The following EPHB3 variants were observed in gnomAD, a reference collection of about 807,000 sequenced individuals.
EPHB3 encodes the protein ephrin type-B receptor 3.
A neutral mutation model predicts 100.2 loss-of-function variants in EPHB3; 33 were observed. That is an observed-to-expected ratio of 0.33 (90% CI 0.25 to 0.44). The LOEUF (loss-of-function observed/expected upper bound fraction) is 0.44, where lower values mean the gene tolerates loss of function less well. Ranked by LOEUF, EPHB3 falls within the 20% of genes least tolerant of loss-of-function variation. The probability of loss-of-function intolerance (pLI) is 1.00; values close to 1 mark genes in which losing one functional copy is unlikely to be tolerated. For synonymous variants in EPHB3, 526 were observed against 554.7 expected, an observed-to-expected ratio of 0.95 and a Z score of 0.73; for missense variants, 1,045 against 1,378.3, an observed-to-expected ratio of 0.76 and a Z score of 3.83.
rs961118941 is a variant in EPHB3, at chr3:184,570,952, C to G, written c.119-366C>G. 4.1e-5 allele frequency among the ~76,000 whole-genome samples: 6 copies of G among 146,104 alleles called. 1 individual carries two copies. In the South Asian group the frequency reaches 1.1e-3, roughly 26 times the overall value. The stretch of plus-strand genomic sequence containing the variant: ...TCCTTTCCTGAGCCATCTCTTCTTT[C>G]TTTCTTTTTTTTTTTTTTTTAGACA... On this transcript the variant is annotated intron_variant, in intron 1 of 15. Transcript: ENST00000330394.
chr3:184,575,635 C>G (rs113974232), intron 3 of EPHB3, among the ~76,000 whole-genome samples, 195 bp from the exon 4 acceptor site: 4 of 152,242 alleles, frequency 2.6e-5, no homozygotes, highest in African/African-American at 9.6e-5. Flanking sequence ...AATCTGCTGA[C>G]GTGGGGTTTC....
chr3:184,564,910 C>T (rs967235865), intron 1 of EPHB3, among the ~76,000 whole-genome samples: 2 of 152,138 alleles, frequency 1.3e-5, no homozygotes, highest in East Asian at 1.9e-4. Context: ...TAGCTTTCTC[C>T]ATCCAACCTA....
In EPHB3 at chr3:184,562,925, G is replaced by T. The variant is rs571359007; in HGVS notation, c.118+572G>T. On this transcript the variant is annotated intron_variant, in intron 1 of 15. Transcript: ENST00000330394. The surrounding 1 kb of genome is among the most constrained non-coding windows in gnomAD (Gnocchi z 4.8). ...ATTACACCCGAGGTGCTGTATGGGC[G>T]GGCCCCCGCACCCTTTGTGGAGGCT... Among the ~76,000 whole-genome samples the T allele has an allele frequency of 4.6e-5, 7 of 152,374 alleles. No homozygotes were observed. In the East Asian group the frequency reaches 1.4e-3, roughly 29 times the overall value.
rs1338550971 is a variant in EPHB3 at position 184,579,273 on chromosome 3, G to A, written c.1802-204G>A. ...TCTGAGAGAGGTCTGGATGTGATGA[G>A]AGATGAGAGAGAAAAACTAGGAGTA... On this transcript the variant is annotated intron_variant, in intron 9 of 15. Coordinates refer to ENST00000330394, the MANE Select transcript of EPHB3 (RefSeq NM_004443.4). This position sits in a 1 kb window ranked among gnomAD's most constrained non-coding sequence, Gnocchi z 5.2. Among the ~76,000 whole-genome samples, 1 of 152,098 alleles carries A rather than the reference G, an allele frequency of 6.6e-6. No homozygotes were observed. Among genetic ancestry groups the A allele is most frequent in the Admixed American group, 6.6e-5 (1 of 15,266 alleles).
chr3:184,566,024 G>C (rs1326322151), intron 1 of EPHB3, among the ~76,000 whole-genome samples: 1 of 152,126 alleles, frequency 6.6e-6, no homozygotes, highest in Non-Finnish European at 1.5e-5. Context: ...GGATTGGGCA[G>C]CTGGGGGGGG....
Position 184,563,583 on chromosome 3 carries a change from CCCT to C in EPHB3, c.118+1235_118+1237del, listed in dbSNP as rs1162400522. ...AGGAAAGACCTCCTATGATCCCCCACCCTCCTCATCTCTGAGCCTGCTGTGCTG... is the reference window on the plus strand; with the variant it reads ...AGGAAAGACCTCCTATGATCCCCCACCCTCATCTCTGAGCCTGCTGTGCTG... On this transcript the variant is annotated intron_variant, in intron 1 of 15. Coordinates refer to ENST00000330394, the MANE Select transcript of EPHB3 (RefSeq NM_004443.4). This position sits in a 1 kb window ranked among gnomAD's most constrained non-coding sequence, Gnocchi z 4.1. Among the ~76,000 whole-genome samples the C allele has an allele frequency of 6.6e-6, 1 of 152,232 alleles. No homozygotes were observed. The highest frequency in any genetic ancestry group is 1.5e-5 in the Non-Finnish European group (1 of 68,038).
chr3:184,580,856 A>G lies in EPHB3; in HGVS notation c.2516A>G (p.Tyr839Cys). ...GTCATGAGCTATGGAGAGCGACCCT[A>G]CTGGGACATGAGCAACCAGGATGTG... ...WEVMSYGERP[Y>C]WDMSNQDVIN... The change falls in exon 13 of 16, where the codon TAC becomes TGC. Residue 839 changes from tyrosine (Y) to cysteine (C), a missense_variant. By Grantham distance (194) the Tyr-to-Cys change is radical. Around this residue, in one of 2 missense-constraint regions of EPHB3, gnomAD observed 985 missense variants for 1,331.1 expected, o/e 0.74. Transcript: ENST00000330394. 1 of 1,614,080 alleles carries G rather than the reference A, an allele frequency of 6.2e-7. No individual in the cohort carries two copies. Among genetic ancestry groups the G allele is most frequent in the Non-Finnish European group, 8.5e-7 (1 of 1,179,928 alleles).
In EPHB3 at chr3:184,573,427, C is replaced by A. The variant is rs1714592214; in HGVS notation, c.856+251C>A. On this transcript the variant is annotated intron_variant, in intron 3 of 15. Coordinates refer to ENST00000330394, the MANE Select transcript of EPHB3 (RefSeq NM_004443.4). The surrounding 1 kb of genome is among the most constrained non-coding windows in gnomAD (Gnocchi z 4.5). ...GACATTAAAGAGAGAGGAAGAGAAG[C>A]ATGCAGAATCCTTGGCAAGCAGGCA... 6.6e-6 allele frequency among the ~76,000 whole-genome samples: 1 copy of A among 152,152 alleles called. No homozygotes were observed. Among genetic ancestry groups the A allele is most frequent in the South Asian group, 2.1e-4 (1 of 4,816 alleles).
rs1401205901 is a variant in EPHB3, at chr3:184,571,101, G to A, written c.119-217G>A. On this transcript the variant is annotated intron_variant, in intron 1 of 15. Coordinates refer to ENST00000330394, the MANE Select transcript of EPHB3 (RefSeq NM_004443.4). This position sits in a 1 kb window ranked among gnomAD's most constrained non-coding sequence, Gnocchi z 5.0. ...CTCCCGAGTAGCTGGGATTACAGGC[G>A]TGCGCCACCAGCCTGGCTAATTTTG... Among the ~76,000 whole-genome samples, 5 of 151,966 alleles carry A rather than the reference G, an allele frequency of 3.3e-5. No homozygotes were observed. Among genetic ancestry groups the A allele is most frequent in the Non-Finnish European group, 5.9e-5 (4 of 68,002 alleles).
chr3:184,579,843 T>C lies in EPHB3; in HGVS notation c.2081T>C (p.Ile694Thr). ...ATGGGTCAGTTTGATCACCCCAATATAATCCGGCTCGAGGGCGTGGTCACC... is the reference window on the plus strand; with the variant it reads ...ATGGGTCAGTTTGATCACCCCAATACAATCCGGCTCGAGGGCGTGGTCACC... Reference protein sequence around the residue: ...SIMGQFDHPNIIRLEGVVTKS... With the variant: ...SIMGQFDHPNTIRLEGVVTKS... Residue 694 changes from isoleucine (I) to threonine (T), a missense_variant, in exon 11 of 16, where the codon ATA becomes ACA. Coordinates refer to ENST00000330394, the MANE Select transcript of EPHB3 (RefSeq NM_004443.4). The surrounding 1 kb of genome is among the most constrained non-coding windows in gnomAD (Gnocchi z 5.2). 1 of 1,613,334 alleles carries C rather than the reference T, an allele frequency of 6.2e-7. No homozygotes were observed. The highest frequency in any genetic ancestry group is 8.5e-7 in the Non-Finnish European group (1 of 1,179,932).
Position 184,580,324 on chromosome 3 carries a change from T to C in EPHB3, c.2173-78T>C, listed in dbSNP as rs768704840. The C allele has an allele frequency of 8.3e-4, 1,312 of 1,578,432 alleles. 4 individuals are homozygous for C. Among genetic ancestry groups the C allele is most frequent in the Non-Finnish European group, 1.0e-3 (1,197 of 1,150,712 alleles). ...GAGAGACGAGGTAGAGTCTGAGTAC[T>C]CGGAGAGGGAAGGCAGGTGGGCAGG... On this transcript the variant is annotated intron_variant, in intron 11 of 15. Transcript: ENST00000330394.
rs1714545427 is a variant in EPHB3 at position 184,571,805 on chromosome 3, CCCG to C, written c.183+425_183+427del. On this transcript the variant is annotated intron_variant, in intron 2 of 15. Coordinates refer to ENST00000330394, the MANE Select transcript of EPHB3 (RefSeq NM_004443.4). This position sits in a 1 kb window ranked among gnomAD's most constrained non-coding sequence, Gnocchi z 5.0. ...GTGGCCACTTCTTGACTGTTAAATT[CCCG>C]CAGTCCGGACCTCTCTCACATATTC... Among the ~76,000 whole-genome samples the C allele has an allele frequency of 6.6e-6, 1 of 152,162 alleles. No individual in the cohort carries two copies. The highest frequency in any genetic ancestry group is 1.5e-5 in the Non-Finnish European group (1 of 68,032).
chr3:184,581,627 G>A lies in EPHB3; in HGVS notation c.*5G>A, dbSNP rs754795283. On this transcript the variant is annotated 3_prime_UTR_variant, in exon 16 of 16. Coordinates refer to ENST00000330394, the MANE Select transcript of EPHB3 (RefSeq NM_004443.4). ...ACGCTGCCTGTGCAGGTCTGACACC[G>A]GCTCCCACGGGGACCCTGAGGACCG... 22 of 1,600,200 alleles carry A rather than the reference G, an allele frequency of 1.4e-5. No homozygotes were observed. Among genetic ancestry groups the A allele is most frequent in the African/African-American group, 2.7e-5 (2 of 74,482 alleles).
At position 184,573,134 on chromosome 3, in the gene EPHB3, G is replaced by A. The variant is rs1305914728; in HGVS notation, c.814G>A (p.Ala272Thr). 1 of 1,612,682 alleles carries A rather than the reference G, an allele frequency of 6.2e-7. No individual in the cohort carries two copies. The highest frequency in any genetic ancestry group is 8.5e-7 in the Non-Finnish European group (1 of 1,180,008). ...GGTGCCTGTGGGTGCCTGCACCTGT[G>A]CCACCGGCCATGAGCCAGCTGCCAA... ...WMVPVGACTCATGHEPAAKES... is the reference protein window; with the variant it reads ...WMVPVGACTCTTGHEPAAKES... The change falls in exon 3 of 16, where the codon GCC (alanine) becomes ACC (threonine). Residue 272 changes from alanine to threonine, a missense_variant. Coordinates refer to ENST00000330394, the MANE Select transcript of EPHB3 (RefSeq NM_004443.4). This position sits in a 1 kb window ranked among gnomAD's most constrained non-coding sequence, Gnocchi z 4.5.
At position 184,563,461 on chromosome 3, in the gene EPHB3, T is replaced by C. The variant is rs1714310233; in HGVS notation, c.118+1108T>C. 6.6e-6 allele frequency among the ~76,000 whole-genome samples: 1 copy of C among 152,178 alleles called. No individual in the cohort carries two copies. Among genetic ancestry groups the C allele is most frequent in the Non-Finnish European group, 1.5e-5 (1 of 68,034 alleles). ...CACGAACTCTGTGGAACTTGGCTTG[T>C]TCTTATGTTCACAGTCGGTAAACTT... On this transcript the variant is annotated intron_variant, in intron 1 of 15. Coordinates refer to ENST00000330394, the MANE Select transcript of EPHB3 (RefSeq NM_004443.4). This position sits in a 1 kb window ranked among gnomAD's most constrained non-coding sequence, Gnocchi z 4.1.
intron 3 of EPHB3, among the ~76,000 whole-genome samples, chr3:184,575,526 C>A (rs944408731): frequency 1.3e-5 from 2 of 151,988 alleles, no homozygotes; most frequent in Non-Finnish European, 2.9e-5. Context: ...CTTTCTCTGT[C>A]TTCCCTGCCT....
chr3:184,568,329 G>A (rs936147675), intron 1 of EPHB3, among the ~76,000 whole-genome samples: 1 of 152,186 alleles, frequency 6.6e-6, no homozygotes, highest in African/African-American at 2.4e-5. Context: ...GTCTAGGGTG[G>A]CCAGCCTCTT....
At chr3:184,575,587 G>A (rs1042363103) in intron 3 of EPHB3, among the ~76,000 whole-genome samples, 1 of 151,352 alleles carries the variant, frequency 6.6e-6, no homozygotes, top group African/African-American at 2.4e-5. Flanking sequence ...CGTCCATGAG[G>A]CCCCGGGGTA....
chr3:184,577,106 AGGCGGTCAACGGTGTCTC>A lies in EPHB3; in HGVS notation c.1280_1297del (p.Ala427_Ser432del). 6.2e-7 allele frequency: 1 copy of A among 1,613,036 alleles called. No individual in the cohort carries two copies. The highest frequency in any genetic ancestry group is 8.5e-7 in the Non-Finnish European group (1 of 1,179,532). The stretch of plus-strand genomic sequence containing the variant: ...CACACGCGCTACACCTTTGAGGTGC[AGGCGGTCAACGGTGTCTC>A]GGGCAAGAGCCCTCTGCCGCCTCGT... On this transcript the variant is annotated inframe_deletion, in exon 5 of 16. Coordinates refer to ENST00000330394, the MANE Select transcript of EPHB3 (RefSeq NM_004443.4). This position sits in a 1 kb window ranked among gnomAD's most constrained non-coding sequence, Gnocchi z 4.9.
Sources: allele counts gnomAD v4.1 joint callset (sites outside exome capture counted in the v4.1 genomes callset), GRCh38; gene constraint gnomAD v4.1.1; regional missense constraint gnomAD v4.1.1; non-coding constraint Gnocchi (gnomAD v3.1); transcripts MANE v1.5; gene names NCBI Gene and HGNC (gene_info 2026-07-23, HGNC 2026-07-21).